SLIT3: variants seen among roughly 807,000 people sequenced by gnomAD.
SLIT3 encodes the protein slit guidance ligand 3.
SLIT3 carries 68 observed loss-of-function variants against 184.0 expected under a neutral mutation model. That is an observed-to-expected ratio of 0.37 (90% confidence interval 0.30 to 0.45). The LOEUF is 0.45. Among genes scored for constraint, SLIT3 ranks in the 20% least tolerant of loss-of-function variants. SLIT3 has a pLI of 1.00. For synonymous variants in SLIT3, 831 were observed against 828.6 expected (o/e 1.00, Z -0.05); for missense variants, 1,707 against 2,026.0 (o/e 0.84, Z 3.02).
chr5:169,062,512 C>T (rs1260141958), intron 4 of SLIT3, among the ~76,000 whole-genome samples: 1 of 152,226 alleles, frequency 6.6e-6, no homozygotes, highest in African/African-American at 2.4e-5. Flanking sequence ...CTGTCCACTT[C>T]CTCTGCCCTC....
intron 23 of SLIT3, among the ~76,000 whole-genome samples, chr5:168,719,022 A>G (rs1202811809): frequency 6.6e-6 from 1 of 152,204 alleles, no homozygotes; most frequent in Non-Finnish European, 1.5e-5. Flanking sequence ...TCAGTTGTAA[A>G]TATGTTACCA....
intron 4 of SLIT3, among the ~76,000 whole-genome samples, chr5:168,978,992 G>A (rs892113737): frequency 4.6e-5 from 7 of 152,180 alleles, no homozygotes; most frequent in Non-Finnish European, 1.0e-4. Context: ...AAAGCAGGAT[G>A]TGTGCACTGC....
intron 3 of SLIT3, among the ~76,000 whole-genome samples, chr5:169,239,886 C>G (rs75261275): frequency 0.02 from 3,101 of 151,888 alleles, 112 homozygotes; most frequent in African/African-American, 0.071. Flanking sequence ...TAATATATAC[C>G]ATGAATTGAA....
At chr5:169,187,559 CTT>C (rs869169684) in intron 4 of SLIT3, among the ~76,000 whole-genome samples, 3 of 55,760 alleles carry the variant, frequency 5.4e-5, no homozygotes, top group Admixed American at 1.5e-4. Flanking sequence ...TTCTTTCTTT[CTT>C]TTTTTTTTTT....
chr5:169,002,322 CAAAAAA>C (rs397999882), intron 4 of SLIT3, among the ~76,000 whole-genome samples: 68 of 24,184 alleles, frequency 2.8e-3, no homozygotes, highest in East Asian at 0.014. Context: ...GACTCTGTCT[CAAAAAA>C]AAAAAAAAAA....
intron 4 of SLIT3, among the ~76,000 whole-genome samples, chr5:169,190,376 T>C (rs755497236): frequency 6.6e-6 from 1 of 152,214 alleles, no homozygotes; most frequent in African/African-American, 2.4e-5. Flanking sequence ...ACCAAGCCCC[T>C]GGATCCAGCT....
At chr5:168,674,071 ACTCT>A (rs1264829931) in intron 32 of SLIT3, among the ~76,000 whole-genome samples, 1 of 152,162 alleles carries the variant, frequency 6.6e-6, no homozygotes, top group African/African-American at 2.4e-5. Flanking sequence ...TATAAAACAA[ACTCT>A]CTCACAGTTA....
intron 4 of SLIT3, among the ~76,000 whole-genome samples, chr5:168,976,178 G>C (rs1217647585): frequency 6.6e-6 from 1 of 152,140 alleles, no homozygotes; most frequent in Non-Finnish European, 1.5e-5. Flanking sequence ...TTTATAGGGA[G>C]GGAAACTGAG....
chr5:169,144,769 C>T (rs765454523), intron 4 of SLIT3, among the ~76,000 whole-genome samples: 7 of 152,206 alleles, frequency 4.6e-5, no homozygotes, highest in Non-Finnish European at 1.0e-4. Context: ...ACCCAAGACC[C>T]GCAAGACGCA....
intron 20 of SLIT3, among the ~76,000 whole-genome samples, chr5:168,745,504 C>CA (rs1763772602): frequency 6.6e-6 from 1 of 152,060 alleles, no homozygotes; most frequent in South Asian, 2.1e-4. Flanking sequence ...TTCTGCCTCC[C>CA]AGGTTCAAGC....
intron 5 of SLIT3, among the ~76,000 whole-genome samples, chr5:168,863,370 C>T (rs1287815575): frequency 2.0e-5 from 3 of 152,276 alleles, no homozygotes; most frequent in East Asian, 1.9e-4. Context: ...GAACTGAGGC[C>T]GGCCCAATGG....
At chr5:169,293,984 A>G (rs572478703) in intron 1 of SLIT3, among the ~76,000 whole-genome samples, 1 of 152,348 alleles carries the variant, frequency 6.6e-6, no homozygotes, top group African/African-American at 2.4e-5. Context: ...AACAATGAAG[A>G]ACGGAGAGCA....
intron 1 of SLIT3, among the ~76,000 whole-genome samples, chr5:169,285,281 G>T (rs1253525219): frequency 1.3e-5 from 2 of 152,090 alleles, no homozygotes; most frequent in East Asian, 1.9e-4. Context: ...CACCAAATCT[G>T]CTGCCTATCC....
At chr5:168,870,883 A>T (rs1002902393) in intron 5 of SLIT3, among the ~76,000 whole-genome samples, 1 of 152,210 alleles carries the variant, frequency 6.6e-6, no homozygotes, top group Non-Finnish European at 1.5e-5. Flanking sequence ...TATGTCAATG[A>T]TTTATTTTAA....
chr5:168,919,255 A>G (rs541373827), intron 4 of SLIT3, among the ~76,000 whole-genome samples: 22 of 143,976 alleles, frequency 1.5e-4, no homozygotes, highest in Non-Finnish European at 2.3e-4. Flanking sequence ...GCGAGACTCC[A>G]TCTCAAAAAA....
intron 4 of SLIT3, among the ~76,000 whole-genome samples, chr5:169,089,069 T>G (rs569393480): frequency 7.8e-6 from 1 of 127,980 alleles, no homozygotes; most frequent in East Asian, 2.4e-4. Flanking sequence ...GTGCTGACTC[T>G]GATTCTCCAG....
chr5:169,156,596 G>GGCA (rs1003305495), intron 4 of SLIT3, among the ~76,000 whole-genome samples: 2 of 152,140 alleles, frequency 1.3e-5, no homozygotes, highest in African/African-American at 2.4e-5. Context: ...ATTACTGATG[G>GGCA]GCACCAGGCA....
chr5:168,831,886 C>T lies in SLIT3; in HGVS notation c.558-8555G>A, dbSNP rs1055801154. 3.9e-5 allele frequency among the ~76,000 whole-genome samples: 6 copies of T among 152,110 alleles called. 1 individual carries two copies. The highest frequency in any genetic ancestry group is 2.1e-4 in the South Asian group (1 of 4,816). On this transcript the variant is annotated intron_variant, in intron 6 of 35. Transcript: ENST00000519560. Reference sequence around the variant, plus strand: ...CGTCTCCATCCACTCGGCAGAGCCTCGGTGTTCAAAGAAAAACAATACCTC... The same window carrying T: ...CGTCTCCATCCACTCGGCAGAGCCTTGGTGTTCAAAGAAAAACAATACCTC...
chr5:169,172,175 T>C (rs1314436579), intron 4 of SLIT3, among the ~76,000 whole-genome samples: 1 of 152,204 alleles, frequency 6.6e-6, no homozygotes, highest in African/African-American at 2.4e-5. Context: ...CATGTTGAGA[T>C]TGAAATGAAA....
Sources: gnomAD v4.1 joint callset for allele counts (sites outside exome capture counted in the v4.1 genomes callset) on GRCh38, gnomAD v4.1.1 for gene constraint, MANE v1.5 for transcripts, NCBI Gene and HGNC (gene_info 2026-07-23, HGNC 2026-07-21) for gene names.